The following DHX58 variants were observed in gnomAD, a reference collection of about 807,000 sequenced individuals.
The protein encoded by DHX58 is DExH-box helicase 58.
DHX58 carries 51 observed loss-of-function variants against 65.0 expected under a neutral mutation model. The ratio of observed to expected loss-of-function variants is 0.78; its 90% confidence interval spans 0.63 to 0.99. The LOEUF (loss-of-function observed/expected upper bound fraction) is 0.99, where lower values mean the gene tolerates loss of function less well. Among genes scored for constraint, DHX58 ranks in the 50% least tolerant of loss-of-function variants. The pLI is 0.00. For missense variants in DHX58, 773 were observed against 891.8 expected (o/e 0.87, Z 1.70); for synonymous variants, 350 against 365.0 (o/e 0.96, Z 0.47).
chr17:42,104,662 G>T, intron 11 of DHX58, 104 bp downstream of exon 11: 2 of 1,468,704 alleles, frequency 1.4e-6, no homozygotes, highest in Non-Finnish European at 1.8e-6. Context: ...TTAGCCCCGA[G>T]ATGTAGAGGG....
At position 42,111,420 on chromosome 17, in the gene DHX58, C is replaced by T. The variant is rs2054151280; in HGVS notation, c.246G>A (p.Gly82=). ...DGRWTVTTLS[G]DMGPRAGFGH... is the part of the protein sequence containing the mutation. ...CAAAGCCAGCACGTGGTCCCATGTC[C>T]CCACTCAGGGTTGTCACGGTCCAGC... The change falls in exon 4 of 14, where the codon GGG becomes GGA. Residue 82 remains glycine, a synonymous_variant. Coordinates refer to ENST00000251642, the MANE Select transcript of DHX58 (RefSeq NM_024119.3). 6.2e-7 allele frequency: 1 copy of T among 1,614,194 alleles called. No homozygotes were observed. The highest frequency in any genetic ancestry group is 8.5e-7 in the Non-Finnish European group (1 of 1,180,026).
At position 42,111,460 on chromosome 17, in the gene DHX58, C is replaced by G. The variant is rs143989971; in HGVS notation, c.206G>C (p.Arg69Pro). 1 of 1,613,972 alleles carries G rather than the reference C, an allele frequency of 6.2e-7. No individual in the cohort carries two copies. Among genetic ancestry groups the G allele is most frequent in the African/African-American group, 1.3e-5 (1 of 74,938 alleles). ...CACGGTCCAGCGTCCATCCAGCATG[C>G]GCCTGAACTCTTCACCATGCTGGGT... is the stretch of plus-strand genomic sequence containing the variant. ...LVTQHGEEFR[R>P]MLDGRWTVTT... Residue 69 changes from arginine to proline, a missense_variant, in exon 4 of 14, where the codon CGC (arginine) becomes CCC (proline). Coordinates refer to ENST00000251642, the MANE Select transcript of DHX58 (RefSeq NM_024119.3).
rs1278556409 is a variant in DHX58 at position 42,101,656 on chromosome 17, G to A, written c.*105C>T. 2.1e-6 allele frequency: 3 copies of A among 1,456,668 alleles called. No homozygotes were observed. Among genetic ancestry groups the A allele is most frequent in the African/African-American group, 2.8e-5 (2 of 71,078 alleles). The allele number at this position is 1,456,668 out of a possible 1,614,324, so 90.2% of individuals were successfully genotyped here. On this transcript the variant is annotated 3_prime_UTR_variant, in exon 14 of 14. Transcript: ENST00000251642. The stretch of plus-strand genomic sequence containing the variant: ...TGCCCAGGACTCCTGTGTGGCTGGT[G>A]GGCCTGATGCCCACAGCTGATGATT...
At chr17:42,112,573 G>GT (rs1159885550) in intron 1 of DHX58, 32 bp downstream of exon 1, 3 of 125,896 alleles carry the variant, frequency 2.4e-5, no homozygotes, top group Non-Finnish European at 4.8e-5. Context: ...AAAGGTGGGG[G>GT]TGGGGGGGGG....
chr17:42,107,209 T>G (rs1302481113), intron 8 of DHX58, among the ~76,000 whole-genome samples: 7 of 152,058 alleles, frequency 4.6e-5, no homozygotes, highest in African/African-American at 1.2e-4. Context: ...AAAAAAAATT[T>G]TTTTTAATTA....
At position 42,105,105 on chromosome 17, in the gene DHX58, C is replaced by A; in HGVS notation, c.1314G>T (p.Thr438=). 1 of 1,614,004 alleles carries A rather than the reference C, an allele frequency of 6.2e-7. No individual in the cohort carries two copies. Among genetic ancestry groups the A allele is most frequent in the Non-Finnish European group, 8.5e-7 (1 of 1,179,998 alleles). The change falls in exon 10 of 14, where the codon ACG becomes ACT. Residue 438 remains threonine (T), a synonymous_variant. Coordinates refer to ENST00000251642, the MANE Select transcript of DHX58 (RefSeq NM_024119.3). ...QDGTLNLLVA[T]SVAEEGLDIP... ...TGTCCAGCCCCTCCTCCGCCACACT[C>A]GTGGCCACCAGAAGGTTCAGGGTTC...
At chr17:42,102,604 C>T in intron 12 of DHX58, 1 of 342,358 alleles carries the variant, frequency 2.9e-6, no homozygotes, top group Non-Finnish European at 5.4e-6. Context: ...ATCCTTCCAC[C>T]AACTGCTAGA....
At position 42,101,601 on chromosome 17, in the gene DHX58, G is replaced by A. The variant is rs967277413; in HGVS notation, c.*160C>T. ...TGGACTAAGCTCTGGCCCTCCGGTTGTTTTCCCATTGCGGGAGCCTAAGCC... is the reference window on the plus strand; with the variant it reads ...TGGACTAAGCTCTGGCCCTCCGGTTATTTTCCCATTGCGGGAGCCTAAGCC... On this transcript the variant is annotated 3_prime_UTR_variant, in exon 14 of 14. Coordinates refer to ENST00000251642, the MANE Select transcript of DHX58 (RefSeq NM_024119.3). The A allele has an allele frequency of 1.1e-6, 1 of 895,278 alleles. No homozygotes were observed. Among genetic ancestry groups the A allele is most frequent in the Non-Finnish European group, 1.7e-6 (1 of 590,732 alleles). The allele number at this position is 895,278 out of a possible 1,614,324, so 55.5% of individuals were successfully genotyped here.
At chr17:42,110,270 CAGAG>C (rs1555663781) in intron 5 of DHX58, among the ~76,000 whole-genome samples, 1 of 151,552 alleles carries the variant, frequency 6.6e-6, no homozygotes, top group East Asian at 1.9e-4. Context: ...GATGATATGA[CAGAG>C]AGCAGAGATC....
intron 8 of DHX58, among the ~76,000 whole-genome samples, chr17:42,106,432 G>C (rs114922637): frequency 0.014 from 1,796 of 131,836 alleles, 46 homozygotes; most frequent in African/African-American, 0.048. Flanking sequence ...GCGTGCAGAA[G>C]GTGGGGGGTG....
chr17:42,107,924 G>GC (rs1362060748), intron 7 of DHX58, 58 bp downstream of exon 7: 2 of 1,609,296 alleles, frequency 1.2e-6, no homozygotes, highest in Non-Finnish European at 1.7e-6. Context: ...GCCCCGGCAG[G>GC]CCCCGCCCCT....
At chr17:42,102,380 G>C (rs782763522) in intron 12 of DHX58, 68 bp from the exon 13 acceptor site, 1 of 1,399,346 alleles carries the variant, frequency 7.1e-7, no homozygotes, top group Non-Finnish European at 1.0e-6. Flanking sequence ...ATGCCCTCCT[G>C]CCGGCCAAGT....
chr17:42,107,961 C>CT, intron 7 of DHX58, 21 bp downstream of exon 7: 1 of 1,613,932 alleles, frequency 6.2e-7, no homozygotes, highest in Non-Finnish European at 8.5e-7. Context: ...TCGCCTCCGC[C>CT]AGAAGGGCTG....
rs781905780 is a variant in DHX58 at position 42,105,986 on chromosome 17, C to T, written c.1001G>A (p.Arg334His). 3.7e-5 allele frequency: 59 copies of T among 1,611,152 alleles called. 1 individual carries two copies. Among genetic ancestry groups the T allele is most frequent in the African/African-American group, 4.0e-5 (3 of 74,780 alleles). Residue 334 changes from arginine (R) to histidine (H), a missense_variant, in exon 9 of 14, where the codon CGC becomes CAC. Coordinates refer to ENST00000251642, the MANE Select transcript of DHX58 (RefSeq NM_024119.3). The part of the protein sequence containing the change: ...ERRLLALFDD[R>H]KNELAHLATH... ...TGCCAAGTGGGCCAGCTCATTCTTGCGGTCTGTCAAAAACCCCAAAATTTA... is the reference window on the plus strand; with the variant it reads ...TGCCAAGTGGGCCAGCTCATTCTTGTGGTCTGTCAAAAACCCCAAAATTTA...
chr17:42,104,985 T>TA, intron 10 of DHX58, 33 bp downstream of exon 10: 1 of 1,612,508 alleles, frequency 6.2e-7, no homozygotes, highest in Non-Finnish European at 8.5e-7. Flanking sequence ...CAGGATCCTA[T>TA]AAGGGCGGCT....
rs782100781 is a variant in DHX58 at position 42,103,732 on chromosome 17, G to A, written c.1630C>T (p.Arg544Trp). The A allele has an allele frequency of 1.1e-5, 17 of 1,613,206 alleles. No individual in the cohort carries two copies. The highest frequency in any genetic ancestry group is 1.0e-4 in the Admixed American group (6 of 60,012). The change falls in exon 12 of 14, where the codon CGG becomes TGG. Residue 544 changes from arginine to tryptophan, a missense_variant. Transcript: ENST00000251642. The stretch of plus-strand genomic sequence containing the variant: ...ACGTGCTCCACTGGGAACTGCTGCC[G>A]CTGGTTCTCCCGCTGGGCTGCCTGG... ...AAQAAQRENQRQQFPVEHVQL... is the reference protein window; with the variant it reads ...AAQAAQRENQWQQFPVEHVQL...
intron 8 of DHX58, among the ~76,000 whole-genome samples, chr17:42,106,650 ATTAGCTGGGCGTGGTGATGCACACTTG>A (rs1555662742): frequency 2.0e-4 from 31 of 151,604 alleles, no homozygotes; most frequent in Non-Finnish European, 4.3e-4. Flanking sequence ...ATACAAAAAA[ATTAGCTGGGCGTGGTGATGCACACTTG>A]TAGTCCCAGC....
chr17:42,112,070 G>C (rs1555664518), intron 2 of DHX58, 43 bp downstream of exon 2: 1 of 757,666 alleles, frequency 1.3e-6, no homozygotes, highest in African/African-American at 1.8e-5. Context: ...GGAGGCGGGA[G>C]TAACACAGGC....
At position 42,105,124 on chromosome 17, in the gene DHX58, A is replaced by G. The variant is rs782301933; in HGVS notation, c.1295T>C (p.Leu432Pro). Residue 432 changes from leucine to proline, a missense_variant, in exon 10 of 14, where the codon CTG (leucine) becomes CCG (proline). Coordinates refer to ENST00000251642, the MANE Select transcript of DHX58 (RefSeq NM_024119.3). ...CACACTCGTGGCCACCAGAAGGTTC[A>G]GGGTTCCATCTTGGAACTTCTGGAT... ...EVIQKFQDGT[L>P]NLLVATSVAE... 1.2e-6 allele frequency: 2 copies of G among 1,613,996 alleles called. No homozygotes were observed. The highest frequency in any genetic ancestry group is 8.5e-7 in the Non-Finnish European group (1 of 1,179,974).
Sources: gnomAD v4.1 joint callset for allele counts (sites outside exome capture counted in the v4.1 genomes callset) on GRCh38, gnomAD v4.1.1 for gene constraint, MANE v1.5 for transcripts, NCBI Gene and HGNC (gene_info 2026-07-23, HGNC 2026-07-21) for gene names.